Variants in GTF2F2 observed in about 807,000 individuals in gnomAD.
GTF2F2 encodes general transcription factor IIF subunit 2, also known as ATP-dependent helicase GTF2F2.
In GTF2F2, 23 loss-of-function variants were observed where a neutral mutation model predicts 42.2. That is an observed-to-expected ratio of 0.55 (90% CI 0.39 to 0.77). The LOEUF is 0.77. Among genes scored for constraint, GTF2F2 ranks in the 30% least tolerant of loss-of-function variants. The pLI, the probability that GTF2F2 is intolerant of heterozygous loss-of-function variation, is 0.00. For missense variants in GTF2F2, 261 were observed against 287.2 expected (o/e 0.91, Z 0.66); for synonymous variants, 105 against 100.8 (o/e 1.04, Z -0.25).
At chr13:45,226,856 GT>G (rs1874383431) in intron 5 of GTF2F2, among the ~76,000 whole-genome samples, 1 of 152,144 alleles carries the variant, frequency 6.6e-6, no homozygotes, top group Non-Finnish European at 1.5e-5. Flanking sequence ...TGTATTTATA[GT>G]TTTGTTGCTA....
intron 3 of GTF2F2, among the ~76,000 whole-genome samples, chr13:45,150,662 A>ATTTTTTTTTT (rs1870442241): frequency 2.1e-5 from 2 of 94,394 alleles, no homozygotes; most frequent in African/African-American, 7.8e-5. Context: ...AAAAAAAATC[A>ATTTTTTTTTT]TCTTTTTTTT....
Position 45,191,910 on chromosome 13 carries a change from G to A in GTF2F2, c.305-15514G>A, listed in dbSNP as rs1257964814. Reference sequence around the variant, plus strand: ...TTTGATAAAAAACCTTACTTGTAATGCTTCTAAGGAGATCTGTTCAGCTAT... The same window carrying A: ...TTTGATAAAAAACCTTACTTGTAATACTTCTAAGGAGATCTGTTCAGCTAT... On this transcript the variant is annotated intron_variant, in intron 4 of 7. Coordinates refer to ENST00000340473, the MANE Select transcript of GTF2F2 (RefSeq NM_004128.3). Among the ~76,000 whole-genome samples the A allele has an allele frequency of 2.0e-5, 3 of 152,064 alleles. No homozygotes were observed. In the East Asian group the frequency reaches 5.8e-4, roughly 29 times the overall value.
chr13:45,222,189 A>G (rs1043600854), intron 5 of GTF2F2, among the ~76,000 whole-genome samples: 13 of 152,198 alleles, frequency 8.5e-5, no homozygotes, highest in African/African-American at 2.9e-4. Flanking sequence ...AGTGTCTCAT[A>G]CATAATAGTG....
At chr13:45,224,271 G>A (rs1470334858) in intron 5 of GTF2F2, among the ~76,000 whole-genome samples, 1 of 152,148 alleles carries the variant, frequency 6.6e-6, no homozygotes, top group Admixed American at 6.5e-5. Flanking sequence ...TTGTGTTACT[G>A]TCTGTTGCAG....
intron 5 of GTF2F2, among the ~76,000 whole-genome samples, chr13:45,246,298 A>G (rs914582609): frequency 6.6e-6 from 1 of 152,076 alleles, no homozygotes; most frequent in Non-Finnish European, 1.5e-5. Context: ...GGCGTGAGCC[A>G]CCGCGCCCGG....
At position 45,278,403 on chromosome 13, in the gene GTF2F2, C is replaced by T. The variant is rs143885501; in HGVS notation, c.631-5039C>T. On this transcript the variant is annotated intron_variant, in intron 7 of 7. Coordinates refer to ENST00000340473, the MANE Select transcript of GTF2F2 (RefSeq NM_004128.3). ...CTTATTTCTCTGCATTCAGACTTGC[C>T]GTAAATTCTCTCCCACACATCCTTT... Among the ~76,000 whole-genome samples, 769 of 152,204 alleles carry T rather than the reference C, an allele frequency of 5.1e-3. 8 individuals are homozygous for T. The highest frequency in any genetic ancestry group is 0.018 in the African/African-American group (727 of 41,516).
intron 6 of GTF2F2, among the ~76,000 whole-genome samples, chr13:45,261,297 G>A (rs1353590883): frequency 5.4e-5 from 8 of 149,366 alleles, no homozygotes; most frequent in African/African-American, 1.7e-4. Context: ...GTGGTGGCAC[G>A]CGCCTGTAGT....
At chr13:45,125,465 GC>G (rs1868940861) in intron 1 of GTF2F2, among the ~76,000 whole-genome samples, 3 of 152,014 alleles carry the variant, frequency 2.0e-5, no homozygotes, top group African/African-American at 7.2e-5. Context: ...GGCTACAGGC[GC>G]GGGCCACCAC....
At chr13:45,191,224 A>ATATATATATATATATATATATATATAT (rs1555267736) in intron 4 of GTF2F2, among the ~76,000 whole-genome samples, 1 of 75,344 alleles carries the variant, frequency 1.3e-5, no homozygotes, top group African/African-American at 1.0e-4. Context: ...ACAAAAAAAA[A>ATATATATATATATATATATATATATAT]ATATATATAT....
intron 6 of GTF2F2, among the ~76,000 whole-genome samples, chr13:45,260,606 T>C (rs147755342): frequency 3.8e-4 from 58 of 152,382 alleles, no homozygotes; most frequent in Non-Finnish European, 7.6e-4. Flanking sequence ...GTCTGTATTA[T>C]AAATTTTAAT....
intron 5 of GTF2F2, among the ~76,000 whole-genome samples, chr13:45,215,291 A>G (rs1873842496): frequency 6.6e-6 from 1 of 152,232 alleles, no homozygotes; most frequent in African/African-American, 2.4e-5. Context: ...ATAATTTATC[A>G]TTGAAAACAG....
At chr13:45,155,992 G>A (rs534425831) in intron 4 of GTF2F2, among the ~76,000 whole-genome samples, 112 of 151,508 alleles carry the variant, frequency 7.4e-4, no homozygotes, top group African/African-American at 2.5e-3. Flanking sequence ...TTTTTTTAGA[G>A]GCAGTGTCTC....
intron 4 of GTF2F2, among the ~76,000 whole-genome samples, chr13:45,183,444 C>T (rs765903761): frequency 8.5e-5 from 13 of 152,076 alleles, no homozygotes; most frequent in Non-Finnish European, 1.8e-4. Flanking sequence ...TCATATCTAC[C>T]TCTCAGGCAT....
At chr13:45,165,806 C>CTTT (rs5803286) in intron 4 of GTF2F2, among the ~76,000 whole-genome samples, 322 of 88,872 alleles carry the variant, frequency 3.6e-3, no homozygotes, top group Non-Finnish European at 4.5e-3. Flanking sequence ...TCAGTACATT[C>CTTT]TTTTTTTTTT....
chr13:45,267,675 C>G (rs944049755), intron 7 of GTF2F2, among the ~76,000 whole-genome samples: 2 of 152,142 alleles, frequency 1.3e-5, no homozygotes, highest in Non-Finnish European at 2.9e-5. Flanking sequence ...GTTTCCCTAT[C>G]TTCCTCTGAG....
intron 1 of GTF2F2, among the ~76,000 whole-genome samples, chr13:45,122,064 A>G (rs1566105526): frequency 6.6e-6 from 1 of 152,228 alleles, no homozygotes; most frequent in Non-Finnish European, 1.5e-5. Flanking sequence ...TGGAACAGAA[A>G]TGCAAGACTC....
At chr13:45,219,462 G>A (rs1465593876) in intron 5 of GTF2F2, 4 of 152,114 alleles carry the variant, frequency 2.6e-5, no homozygotes, top group East Asian at 1.9e-4. Flanking sequence ...CCATGGTTCC[G>A]TTACATTATA....
chr13:45,124,051 C>T (rs1370291857), intron 1 of GTF2F2: 2 of 1,132,802 alleles, frequency 1.8e-6, no homozygotes, highest in Non-Finnish European at 2.6e-6. Context: ...GGTCCCCCAC[C>T]CTGTTGCTGT....
chr13:45,126,918 C>A (rs1566107324), intron 1 of GTF2F2, among the ~76,000 whole-genome samples: 1 of 152,252 alleles, frequency 6.6e-6, no homozygotes, highest in South Asian at 2.1e-4. Context: ...AGCAACCATA[C>A]CCTGTTGTAC....
Sources: gnomAD v4.1 joint callset for allele counts (sites outside exome capture counted in the v4.1 genomes callset) on GRCh38, gnomAD v4.1.1 for gene constraint, MANE v1.5 for transcripts, NCBI Gene and HGNC (gene_info 2026-07-23, HGNC 2026-07-21) for gene names.